PARD6G: variants seen among roughly 807,000 people sequenced by gnomAD.
PARD6G encodes partitioning defective 6 homolog gamma.
In PARD6G, 7 loss-of-function variants were observed where a neutral mutation model predicts 10.7. That is an observed-to-expected ratio of 0.66 (90% CI 0.37 to 1.23). The LOEUF (loss-of-function observed/expected upper bound fraction) is 1.23, where lower values mean the gene tolerates loss of function less well. Ranked by LOEUF, PARD6G falls within the 50% of genes most tolerant of loss-of-function variation. PARD6G has a pLI of 0.02. For missense variants in PARD6G, 548 were observed against 571.8 expected (o/e 0.96, Z 0.42); for synonymous variants, 287 against 269.4 (o/e 1.07, Z -0.64).
At chr18:80,223,329 AATC>A (rs1268168429) in intron 1 of PARD6G, among the ~76,000 whole-genome samples, 1 of 152,236 alleles carries the variant, frequency 6.6e-6, no homozygotes, top group Non-Finnish European at 1.5e-5. Flanking sequence ...GTGAAAAGGT[AATC>A]TATAGAATGA....
intron 1 of PARD6G, among the ~76,000 whole-genome samples, chr18:80,241,673 G>A (rs1967491849): frequency 6.6e-6 from 1 of 152,188 alleles, no homozygotes; most frequent in Admixed American, 6.5e-5. Flanking sequence ...CGCAGGGTGT[G>A]TGTTGGGAAG....
At chr18:80,168,182 G>A (rs1296589580) in intron 2 of PARD6G, among the ~76,000 whole-genome samples, 1 of 152,164 alleles carries the variant, frequency 6.6e-6, no homozygotes, top group African/African-American at 2.4e-5. Context: ...TCAGGTGAGA[G>A]AACACACAAC....
chr18:80,236,407 C>A (rs1407654285), intron 1 of PARD6G, among the ~76,000 whole-genome samples: 1 of 152,278 alleles, frequency 6.6e-6, no homozygotes, highest in East Asian at 1.9e-4. Context: ...CTTGAATGGG[C>A]AAAACCTGGA....
intron 1 of PARD6G, among the ~76,000 whole-genome samples, chr18:80,227,881 AC>A (rs1357949240): frequency 9.2e-5 from 14 of 152,070 alleles, no homozygotes; most frequent in Admixed American, 9.2e-4. Context: ...CGAGACGTCA[AC>A]CCCGGGAACC....
intron 2 of PARD6G, among the ~76,000 whole-genome samples, chr18:80,174,514 T>A (rs1377134841): frequency 6.6e-6 from 1 of 152,092 alleles, no homozygotes; most frequent in Non-Finnish European, 1.5e-5. Flanking sequence ...CTGGAAGAAC[T>A]CAGTGCACTG....
At chr18:80,168,037 T>C (rs928041244) in intron 2 of PARD6G, among the ~76,000 whole-genome samples, 20 of 152,144 alleles carry the variant, frequency 1.3e-4, no homozygotes, top group African/African-American at 4.6e-4. Flanking sequence ...AGCAAGTGCA[T>C]GCGACTCTGG....
At chr18:80,224,941 G>C (rs987589384) in intron 1 of PARD6G, among the ~76,000 whole-genome samples, 1 of 152,144 alleles carries the variant, frequency 6.6e-6, no homozygotes, top group Non-Finnish European at 1.5e-5. Flanking sequence ...TTGATTCCAG[G>C]CTGGAACTAA....
chr18:80,199,867 A>C (rs1054940393), intron 2 of PARD6G, among the ~76,000 whole-genome samples: 1 of 151,912 alleles, frequency 6.6e-6, no homozygotes, highest in African/African-American at 2.4e-5. Context: ...CTTGTCTCGA[A>C]CTCCTGACCT....
intron 1 of PARD6G, among the ~76,000 whole-genome samples, chr18:80,220,283 A>G (rs1967215325): frequency 6.6e-6 from 1 of 152,144 alleles, no homozygotes. Flanking sequence ...CCATGATTCA[A>G]TTACCTCCCA....
Position 80,231,148 on chromosome 18 carries a change from G to A in PARD6G, c.72+16129C>T, listed in dbSNP as rs1218632729. 6.6e-6 allele frequency among the ~76,000 whole-genome samples: 1 copy of A among 152,238 alleles called. No homozygotes were observed. The highest frequency in any genetic ancestry group is 2.4e-5 in the African/African-American group (1 of 41,470). ...GGACAAGGATGGCCCATCAGCAAGG[G>A]AGTGGGATGAACGGGCCAGGGTTAC... On this transcript the variant is annotated intron_variant, in intron 1 of 2. Transcript: ENST00000353265. This position sits in a 1 kb window ranked among gnomAD's most constrained non-coding sequence, Gnocchi z 4.2.
At chr18:80,167,310 G>A (rs754097220) in intron 2 of PARD6G, among the ~76,000 whole-genome samples, 2 of 147,384 alleles carry the variant, frequency 1.4e-5, no homozygotes, top group African/African-American at 2.4e-5. Context: ...GTGTGGACCC[G>A]TGTGCAGGAT....
At chr18:80,195,746 G>C (rs970207536) in intron 2 of PARD6G, among the ~76,000 whole-genome samples, 1 of 150,746 alleles carries the variant, frequency 6.6e-6, no homozygotes, top group African/African-American at 2.4e-5. Flanking sequence ...GTGGTGGCGC[G>C]TGCCTGTAGT....
At chr18:80,199,631 T>C (rs143825855) in intron 2 of PARD6G, among the ~76,000 whole-genome samples, 2 of 152,332 alleles carry the variant, frequency 1.3e-5, no homozygotes, top group Non-Finnish European at 2.9e-5. Flanking sequence ...GAGATTATTT[T>C]AAGCAACAGA....
intron 2 of PARD6G, among the ~76,000 whole-genome samples, chr18:80,166,078 C>CA (rs942991591): frequency 5.0e-4 from 74 of 147,712 alleles, no homozygotes; most frequent in Admixed American, 9.5e-4. Flanking sequence ...AACTCCATCT[C>CA]AAAAAAAAAA....
At chr18:80,214,182 G>A (rs1967137215) in intron 1 of PARD6G, among the ~76,000 whole-genome samples, 1 of 152,126 alleles carries the variant, frequency 6.6e-6, no homozygotes, top group South Asian at 2.1e-4. Context: ...TACCGGACAG[G>A]CGCGGTGGCT....
At chr18:80,245,793 C>A (rs577117172) in intron 1 of PARD6G, among the ~76,000 whole-genome samples, 1 of 152,142 alleles carries the variant, frequency 6.6e-6, no homozygotes, top group African/African-American at 2.4e-5. Context: ...TAACCCACAG[C>A]TGGCACACTT....
intron 2 of PARD6G, among the ~76,000 whole-genome samples, chr18:80,186,508 A>G (rs1270415096): frequency 1.3e-5 from 2 of 149,560 alleles, no homozygotes; most frequent in African/African-American, 5.0e-5. Context: ...ATGCTCGCAC[A>G]CCCTCACACA....
chr18:80,182,029 T>C lies in PARD6G; in HGVS notation c.295+20681A>G, dbSNP rs914696926. On this transcript the variant is annotated intron_variant, in intron 2 of 2. Transcript: ENST00000353265. This position sits in a 1 kb window ranked among gnomAD's most constrained non-coding sequence, Gnocchi z 4.5. ...CTCCTCATCTTGCCACCTGCTTTTG[T>C]TACGCAAGAAACTGAGGCAGAAAGC... Among the ~76,000 whole-genome samples, 2 of 152,208 alleles carry C rather than the reference T, an allele frequency of 1.3e-5. No individual in the cohort carries two copies. Among genetic ancestry groups the C allele is most frequent in the African/African-American group, 4.8e-5 (2 of 41,438 alleles).
intron 1 of PARD6G, among the ~76,000 whole-genome samples, chr18:80,230,597 G>C (rs1346302940): frequency 6.6e-6 from 1 of 152,170 alleles, no homozygotes; most frequent in Non-Finnish European, 1.5e-5. Context: ...GACTGTGCAG[G>C]GTGACGGCTA....
Sources: allele counts gnomAD v4.1 joint callset (sites outside exome capture counted in the v4.1 genomes callset), GRCh38; gene constraint gnomAD v4.1.1; non-coding constraint Gnocchi (gnomAD v3.1); transcripts MANE v1.5; gene names NCBI Gene and HGNC (gene_info 2026-07-23, HGNC 2026-07-21).